Variants in CTDSPL observed in about 807,000 individuals in gnomAD.
CTDSPL encodes the protein CTD small phosphatase like.
In CTDSPL, 8 loss-of-function variants were observed where a neutral mutation model predicts 30.5. The ratio of observed to expected loss-of-function variants is 0.26; its 90% confidence interval spans 0.15 to 0.47. CTDSPL has a LOEUF of 0.47. CTDSPL is among the 20% of genes least tolerant of loss of function. CTDSPL has a pLI of 0.99. For synonymous variants in CTDSPL, 110 were observed against 137.9 expected, an observed-to-expected ratio of 0.80 and a Z score of 1.42; for missense variants, 248 against 366.1, an observed-to-expected ratio of 0.68 and a Z score of 2.63.
chr3:37,961,707 C>T (rs1020700325), intron 3 of CTDSPL, among the ~76,000 whole-genome samples: 2 of 152,164 alleles, frequency 1.3e-5, no homozygotes, highest in African/African-American at 2.4e-5. Context: ...TCCCCTCCTG[C>T]GTTAGGCCCT....
At chr3:37,920,291 C>T (rs1241703866) in intron 1 of CTDSPL, among the ~76,000 whole-genome samples, 1 of 152,226 alleles carries the variant, frequency 6.6e-6, no homozygotes, top group Admixed American at 6.5e-5. Flanking sequence ...CCAGACCTTC[C>T]TTTCAGCAGA....
chr3:37,934,138 A>G (rs925544538), intron 1 of CTDSPL, among the ~76,000 whole-genome samples: 7 of 152,142 alleles, frequency 4.6e-5, no homozygotes, highest in African/African-American at 1.4e-4. Flanking sequence ...TCTGGGCAAC[A>G]TATGGAAACC....
intron 1 of CTDSPL, among the ~76,000 whole-genome samples, chr3:37,865,977 C>G (rs1261990931): frequency 2.0e-5 from 3 of 152,210 alleles, no homozygotes; most frequent in East Asian, 1.9e-4. Flanking sequence ...TAGGTGGGAA[C>G]AGGTATTGGT....
rs1699326342 is a variant in CTDSPL at position 37,968,498 on chromosome 3, A to G, written c.426+616A>G. Reference sequence around the variant, plus strand: ...ATAAAGCTCTTCCGGAAATAACTTCATTTATGAACAAATTGGGAATGTTGT... The same window carrying G: ...ATAAAGCTCTTCCGGAAATAACTTCGTTTATGAACAAATTGGGAATGTTGT... On this transcript the variant is annotated intron_variant, in intron 5 of 7. Coordinates refer to ENST00000273179, the MANE Select transcript of CTDSPL (RefSeq NM_001008392.2). The G allele has an allele frequency of 2.9e-5, 7 of 242,444 alleles. No homozygotes were observed. In the South Asian group the frequency reaches 2.9e-4, roughly 10 times the overall value. The allele number at this position is 242,444 out of a possible 1,614,324, so 15.0% of individuals were successfully genotyped here.
At chr3:37,946,869 G>C (rs1699044945) in intron 1 of CTDSPL, among the ~76,000 whole-genome samples, 188 bp from the exon 2 acceptor site, 1 of 152,170 alleles carries the variant, frequency 6.6e-6, no homozygotes, top group African/African-American at 2.4e-5. Flanking sequence ...TGGCTCCTGG[G>C]ATTCTCACAT....
intron 1 of CTDSPL, among the ~76,000 whole-genome samples, chr3:37,919,861 C>A (rs1698693421): frequency 1.3e-5 from 2 of 152,026 alleles, no homozygotes; most frequent in South Asian, 4.1e-4. Context: ...AGTGAAAAGC[C>A]CACAGGATAG....
At chr3:37,960,943 T>A (rs1699238701) in intron 3 of CTDSPL, among the ~76,000 whole-genome samples, 1 of 152,314 alleles carries the variant, frequency 6.6e-6, no homozygotes, top group South Asian at 2.1e-4. Flanking sequence ...TTGGCCTTTT[T>A]TGTTTATAAT....
intron 7 of CTDSPL, among the ~76,000 whole-genome samples, chr3:37,978,199 AT>A (rs896594842): frequency 5.3e-5 from 8 of 151,574 alleles, no homozygotes; most frequent in African/African-American, 9.7e-5. Context: ...GTAGCCAATA[AT>A]TTTTTTTTAG....
At chr3:37,959,969 C>T (rs979933048) in intron 3 of CTDSPL, among the ~76,000 whole-genome samples, 1 of 133,604 alleles carries the variant, frequency 7.5e-6, no homozygotes, top group South Asian at 2.8e-4. Flanking sequence ...TTGGAGAGGC[C>T]GAGGAGGGCA....
chr3:37,901,651 C>A (rs567675491), intron 1 of CTDSPL, among the ~76,000 whole-genome samples: 143 of 152,274 alleles, frequency 9.4e-4, no homozygotes, highest in Non-Finnish European at 1.8e-3. Context: ...TTGCAGACCT[C>A]TTGCTTTGAG....
intron 1 of CTDSPL, among the ~76,000 whole-genome samples, chr3:37,929,855 C>T (rs1257023594): frequency 6.6e-6 from 1 of 152,156 alleles, no homozygotes; most frequent in Non-Finnish European, 1.5e-5. Context: ...CGCCTGTAAT[C>T]CCAGCACTTT....
chr3:37,965,937 T>C (rs912149087), intron 4 of CTDSPL, among the ~76,000 whole-genome samples: 7 of 152,152 alleles, frequency 4.6e-5, no homozygotes, highest in Non-Finnish European at 8.8e-5. Context: ...TATGGTGACT[T>C]TGTGTCCCAG....
chr3:37,875,995 C>A (rs2125590227), intron 1 of CTDSPL, among the ~76,000 whole-genome samples: 1 of 152,136 alleles, frequency 6.6e-6, no homozygotes, highest in Admixed American at 6.5e-5. Flanking sequence ...GTAATCCCAG[C>A]ACTTTAGGAG....
At chr3:37,935,069 A>G (rs973453347) in intron 1 of CTDSPL, among the ~76,000 whole-genome samples, 1 of 152,212 alleles carries the variant, frequency 6.6e-6, no homozygotes, top group African/African-American at 2.4e-5. Context: ...TGTCTTCATA[A>G]TGATCATCTC....
chr3:37,871,110 C>T (rs1251348801), intron 1 of CTDSPL, among the ~76,000 whole-genome samples: 1 of 152,130 alleles, frequency 6.6e-6, no homozygotes, highest in Non-Finnish European at 1.5e-5. Flanking sequence ...TCCACTTATT[C>T]ATCTCTCTCT....
intron 3 of CTDSPL, among the ~76,000 whole-genome samples, chr3:37,962,622 T>A (rs1474410986): frequency 6.6e-6 from 1 of 152,206 alleles, no homozygotes; most frequent in African/African-American, 2.4e-5. Flanking sequence ...TTTTGGCAGA[T>A]CTTTGATGTT....
In CTDSPL at chr3:37,862,814, C is replaced by G. The variant is rs978756430; in HGVS notation, c.79+536C>G. ...TGGAATGTGTGTGCGTGAGCATGAGCCTGGAGAGGTTCTATGCCTGTTCAC... is the reference window on the plus strand; with the variant it reads ...TGGAATGTGTGTGCGTGAGCATGAGGCTGGAGAGGTTCTATGCCTGTTCAC... On this transcript the variant is annotated intron_variant, in intron 1 of 7. Transcript: ENST00000273179. This position sits in a 1 kb window ranked among gnomAD's most constrained non-coding sequence, Gnocchi z 4.3. 3.2e-4 allele frequency among the ~76,000 whole-genome samples: 48 copies of G among 152,096 alleles called. No individual in the cohort carries two copies. Among genetic ancestry groups the G allele is most frequent in the African/African-American group, 1.2e-3 (48 of 41,400 alleles).
chr3:37,963,699 C>G (rs1425035912), intron 3 of CTDSPL, among the ~76,000 whole-genome samples: 4 of 152,082 alleles, frequency 2.6e-5, no homozygotes, highest in Non-Finnish European at 5.9e-5. Flanking sequence ...CCAGAGATAC[C>G]TAGCATTTTA....
chr3:37,880,604 C>T (rs1037079086), intron 1 of CTDSPL, among the ~76,000 whole-genome samples: 7 of 152,078 alleles, frequency 4.6e-5, no homozygotes, highest in African/African-American at 1.7e-4. Flanking sequence ...TTGTGTACTA[C>T]GAATCGTAGA....
Sources: gnomAD v4.1 joint callset for allele counts (sites outside exome capture counted in the v4.1 genomes callset) on GRCh38, gnomAD v4.1.1 for gene constraint, Gnocchi (gnomAD v3.1) non-coding constraint, MANE v1.5 for transcripts, NCBI Gene and HGNC (gene_info 2026-07-23, HGNC 2026-07-21) for gene names.